The following TFRC variants were observed in gnomAD, a reference collection of about 807,000 sequenced individuals.
TFRC encodes the protein transferrin receptor, also known as transferrin receptor protein 1.
TFRC carries 35 observed loss-of-function variants against 85.8 expected under a neutral mutation model. The ratio of observed to expected loss-of-function variants is 0.41; its 90% confidence interval spans 0.31 to 0.54. TFRC has a LOEUF of 0.54. Ranked by LOEUF, TFRC falls within the 20% of genes least tolerant of loss-of-function variation. TFRC has a pLI of 0.31. For synonymous variants in TFRC, 362 were observed against 328.6 expected (o/e 1.10, Z -1.10); for missense variants, 828 against 921.5 (o/e 0.90, Z 1.31).
intron 9 of TFRC, 85 bp from the exon 10 acceptor site, chr3:196,065,685 G>T: frequency 2.1e-6 from 3 of 1,431,138 alleles, no homozygotes; most frequent in South Asian, 1.4e-5. Context: ...CAGATTAAGA[G>T]GACATATAAA....
rs114354578 is a variant in TFRC at position 196,077,925 on chromosome 3, T to C, written c.-23-803A>G. On this transcript the variant is annotated intron_variant, in intron 1 of 18. Coordinates refer to ENST00000360110, the MANE Select transcript of TFRC (RefSeq NM_001128148.3). Reference sequence around the variant, plus strand: ...TCGATCTTTGACACAAGAAGAAACATGAAACACAGATTACGCTGTTTTACA... The same window carrying C: ...TCGATCTTTGACACAAGAAGAAACACGAAACACAGATTACGCTGTTTTACA... Among the ~76,000 whole-genome samples the C allele has an allele frequency of 4.5e-3, 678 of 152,260 alleles. 10 individuals carry two copies. Among genetic ancestry groups the C allele is most frequent in the African/African-American group, 0.015 (635 of 41,540 alleles).
Position 196,064,346 on chromosome 3 carries a change from C to T in TFRC, c.1281G>A (p.Leu427=). Residue 427 remains leucine, a synonymous_variant, in exon 11 of 19, where the codon TTG becomes TTA. Transcript: ENST00000360110. ...TATCTGAGAACATCTGGGCAAGTTT[C>T]AATAGGAGAGCTGTGCCTACACCGG... ...AKSGVGTALL[L]KLAQMFSDMV... The T allele has an allele frequency of 6.2e-7, 1 of 1,613,438 alleles. No individual in the cohort carries two copies.
Position 196,059,614 on chromosome 3 carries a change from ATTTT to A in TFRC, c.1536+562_1536+565del, listed in dbSNP as rs41297497. Among the ~76,000 whole-genome samples the A allele has an allele frequency of 2.9e-4, 44 of 150,474 alleles. No individual in the cohort carries two copies. The East Asian group carries it at 4.3e-3, about 15-fold the overall frequency. On this transcript the variant is annotated intron_variant, in intron 14 of 18. Transcript: ENST00000360110. ...TATTTTCTTTTTTATTTATTTATTT[ATTTT>A]TTTTTTAATTATACTTTAAATTTTA... is the stretch of plus-strand genomic sequence containing the variant.
At chr3:196,063,092 AC>A in intron 11 of TFRC, 153 bp from the exon 12 acceptor site, 1 of 600,194 alleles carries the variant, frequency 1.7e-6, no homozygotes. Context: ...AAAAAAACTA[AC>A]AAAATCTTTT....
Position 196,053,357 on chromosome 3 carries a change from G to C in TFRC, c.2040+61C>G, listed in dbSNP as rs1407082380. On this transcript the variant is annotated intron_variant, in intron 18 of 18. Coordinates refer to ENST00000360110, the MANE Select transcript of TFRC (RefSeq NM_001128148.3). ...TAGAGTTTGTCCACTTTGCAGAAGT[G>C]TAAGATTTATCGGTTATTTTACACA... The C allele has an allele frequency of 6.3e-6, 10 of 1,591,694 alleles. No individual in the cohort carries two copies. In the African/African-American group the frequency reaches 8.1e-5, roughly 13 times the overall value.
chr3:196,075,812 A>G (rs1210876167), intron 2 of TFRC, among the ~76,000 whole-genome samples: 1 of 152,140 alleles, frequency 6.6e-6, no homozygotes, highest in Non-Finnish European at 1.5e-5. Context: ...ATTCTGACTA[A>G]GCATAAGATA....
chr3:196,052,084 T>C lies in TFRC; in HGVS notation c.2141A>G (p.Glu714Gly). The C allele has an allele frequency of 6.2e-7, 1 of 1,614,142 alleles. No homozygotes were observed. The change falls in exon 19 of 19, where the codon GAG (glutamate) becomes GGG (glycine). Residue 714 changes from glutamate (E) to glycine (G), a missense_variant. Coordinates refer to ENST00000360110, the MANE Select transcript of TFRC (RefSeq NM_001128148.3). ...SGSHTLPALL[E>G]NLKLRKQNNG... ...ATTTTGTTTACGCAGTTTCAAGTTC[T>C]CCAGTAAAGCTGGCAGCGTGTGAGA... is the stretch of plus-strand genomic sequence containing the variant.
At chr3:196,056,138 A>AC (rs1012275559) in intron 16 of TFRC, among the ~76,000 whole-genome samples, 5 of 151,752 alleles carry the variant, frequency 3.3e-5, no homozygotes, top group African/African-American at 7.3e-5. Context: ...AGCTCAAGTG[A>AC]CCCCCCTGCC....
Position 196,051,978 on chromosome 3 carries a change from G to C in TFRC, c.2247C>G (p.Leu749=), listed in dbSNP as rs1032124064. ...TGTCAATGTCCCAAACGTCACCAGA[G>C]AGGGCATTTGCAGCTCCCTGAATAG... ...TWTIQGAANA[L]SGDVWDIDNE... is the part of the protein sequence containing the mutation. The change falls in exon 19 of 19, where the codon CTC becomes CTG. Residue 749 remains leucine (L), a synonymous_variant. Coordinates refer to ENST00000360110, the MANE Select transcript of TFRC (RefSeq NM_001128148.3). 1.2e-5 allele frequency: 19 copies of C among 1,614,172 alleles called. No individual in the cohort carries two copies. Among genetic ancestry groups the C allele is most frequent in the Non-Finnish European group, 1.5e-5 (18 of 1,180,042 alleles).
At chr3:196,062,696 A>G (rs1464306283) in intron 12 of TFRC, 51 bp from the exon 13 acceptor site, 1 of 1,565,874 alleles carries the variant, frequency 6.4e-7, no homozygotes, top group South Asian at 1.2e-5. Flanking sequence ...TATTTATCAC[A>G]TACAGTAGCA....
intron 12 of TFRC, 67 bp from the exon 13 acceptor site, chr3:196,062,712 GATTC>G (rs1485669149): frequency 2.6e-6 from 4 of 1,554,026 alleles, no homozygotes; most frequent in Non-Finnish European, 3.5e-6. Context: ...TAGCATTAGG[GATTC>G]ATTTTCAATT....
intron 2 of TFRC, among the ~76,000 whole-genome samples, chr3:196,076,426 C>T (rs926697612): frequency 6.6e-6 from 1 of 151,406 alleles, no homozygotes; most frequent in African/African-American, 2.4e-5. Context: ...AGTGAGCCAC[C>T]ACACTTGGCC....
chr3:196,076,069 C>T (rs1020000493), intron 2 of TFRC, among the ~76,000 whole-genome samples: 3 of 151,726 alleles, frequency 2.0e-5, no homozygotes, highest in Non-Finnish European at 4.4e-5. Context: ...ACTCAGGAGG[C>T]GGAGGTTACA....
chr3:196,052,235 TA>T (rs766146361), intron 18 of TFRC, 51 bp from the exon 19 acceptor site: 3 of 1,569,414 alleles, frequency 1.9e-6, no homozygotes, highest in Non-Finnish European at 8.6e-7. Flanking sequence ...ACTTTTGTAG[TA>T]AAACAACAGT....
Position 196,074,123 on chromosome 3 carries a change from A to C in TFRC, c.241T>G (p.Phe81Val). Residue 81 changes from phenylalanine (F) to valine (V), a missense_variant and splice_region_variant, in exon 4 of 19, where the codon TTT becomes GTT. Coordinates refer to ENST00000360110, the MANE Select transcript of TFRC (RefSeq NM_001128148.3). ...IAVIVFFLIGFMIGYLGYCKG... is the reference protein window; with the variant it reads ...IAVIVFFLIGVMIGYLGYCKG... The stretch of plus-strand genomic sequence containing the variant: ...CAATAGCCCAAGTAGCCAATCATAA[A>C]TCCTAAAGAGACAAAGTTCCAGAGC... The C allele has an allele frequency of 6.2e-7, 1 of 1,608,828 alleles. No homozygotes were observed.
At chr3:196,076,413 G>A (rs527640282) in intron 2 of TFRC, among the ~76,000 whole-genome samples, 10 of 151,490 alleles carry the variant, frequency 6.6e-5, no homozygotes, top group East Asian at 5.8e-4. Context: ...CTGGGATTGC[G>A]GGAGTGAGCC....
intron 6 of TFRC, among the ~76,000 whole-genome samples, chr3:196,070,393 T>C (rs1416045591): frequency 1.3e-5 from 2 of 151,866 alleles, no homozygotes; most frequent in Admixed American, 1.3e-4. Flanking sequence ...GCCTCCCAAG[T>C]AGCTGGGATT....
In TFRC at chr3:196,058,592, C is replaced by T; in HGVS notation, c.1577G>A (p.Ser526Asn). The T allele has an allele frequency of 6.2e-7, 1 of 1,611,590 alleles. No individual in the cohort carries two copies. The highest frequency in any genetic ancestry group is 1.7e-5 in the Admixed American group (1 of 59,564). The part of the protein sequence containing the change: ...PVTGQFLYQD[S>N]NWASKVEKLT... Reference sequence around the variant, plus strand: ...AACTTACACTTTGCTGGCCCAGTTGCTGTCCTGATATAGAAATTGCCCAGT... The same window carrying T: ...AACTTACACTTTGCTGGCCCAGTTGTTGTCCTGATATAGAAATTGCCCAGT... The change falls in exon 15 of 19, where the codon AGC becomes AAC. Residue 526 changes from serine to asparagine, a missense_variant. Physicochemically the swap from Ser to Asn is conservative, Grantham distance 46. Coordinates refer to ENST00000360110, the MANE Select transcript of TFRC (RefSeq NM_001128148.3).
intron 10 of TFRC, 87 bp downstream of exon 10, chr3:196,065,356 C>T (rs1717628688): frequency 6.5e-6 from 5 of 772,988 alleles, no homozygotes; most frequent in African/African-American, 4.0e-5. Context: ...AGCATTCCTA[C>T]ACTCGCTCCT....
Sources: allele counts gnomAD v4.1 joint callset (sites outside exome capture counted in the v4.1 genomes callset), GRCh38; gene constraint gnomAD v4.1.1; transcripts MANE v1.5; gene names NCBI Gene and HGNC (gene_info 2026-07-23, HGNC 2026-07-21).